RALGAPA2: variants seen among roughly 807,000 people sequenced by gnomAD.
RALGAPA2 encodes the protein Ral GTPase activating protein catalytic subunit alpha 2, also known as ral GTPase-activating protein subunit alpha-2.
In RALGAPA2, 139 loss-of-function variants were observed where a neutral mutation model predicts 230.4. The ratio of observed to expected loss-of-function variants is 0.60; its 90% CI spans 0.53 to 0.69. The LOEUF (loss-of-function observed/expected upper bound fraction) is 0.69. Ranked by LOEUF, RALGAPA2 falls within the 30% of genes least tolerant of loss-of-function variation. The pLI, the probability that RALGAPA2 is intolerant of heterozygous loss-of-function variation, is 0.00. For missense variants in RALGAPA2, 2,163 were observed against 2,276.0 expected, an observed-to-expected ratio of 0.95 and a Z score of 1.01; for synonymous variants, 847 against 837.8, an observed-to-expected ratio of 1.01 and a Z score of -0.19.
chr20:20,709,489 T>TA (rs955068893), intron 1 of RALGAPA2, among the ~76,000 whole-genome samples: 8 of 151,962 alleles, frequency 5.3e-5, no homozygotes, highest in African/African-American at 1.7e-4. Flanking sequence ...AAGATCCTGT[T>TA]AAAAAAAAGA....
intron 33 of RALGAPA2, among the ~76,000 whole-genome samples, chr20:20,508,220 T>G (rs530066080): frequency 9.9e-5 from 15 of 152,284 alleles, no homozygotes; most frequent in Admixed American, 5.9e-4. Context: ...CCTGCTAGGA[T>G]GCAGAAGCTG....
chr20:20,707,269 A>G (rs2069644288), intron 1 of RALGAPA2, among the ~76,000 whole-genome samples: 1 of 152,234 alleles, frequency 6.6e-6, no homozygotes, highest in South Asian at 2.1e-4. Flanking sequence ...ACACTTAGAA[A>G]AGCACTGTGA....
rs2060200195 is a variant in RALGAPA2 at position 20,417,978 on chromosome 20, GGAA to G, written c.5496-5833_5496-5831del. ...CAAACTCTTTATGACCTTGGGGTAT[GGAA>G]AATCTCTTAAGAAACCAAAACATGA... On this transcript the variant is annotated intron_variant, in intron 37 of 39. Coordinates refer to ENST00000202677, the MANE Select transcript of RALGAPA2 (RefSeq NM_020343.4). Among the ~76,000 whole-genome samples, 13 of 152,304 alleles carry G rather than the reference GGAA, an allele frequency of 8.5e-5. No homozygotes were observed. In the South Asian group the frequency reaches 2.7e-3, roughly 32 times the overall value.
intron 1 of RALGAPA2, among the ~76,000 whole-genome samples, chr20:20,707,059 T>G (rs2069637130): frequency 6.6e-6 from 1 of 152,176 alleles, no homozygotes; most frequent in South Asian, 2.1e-4. Flanking sequence ...AAACTCAACA[T>G]GTAGAACACC....
At chr20:20,406,681 G>T (rs1003981605) in intron 38 of RALGAPA2, among the ~76,000 whole-genome samples, 2 of 152,192 alleles carry the variant, frequency 1.3e-5, no homozygotes, top group African/African-American at 4.8e-5. Flanking sequence ...GGAGGCTGAG[G>T]TGGGCAGATC....
At position 20,588,041 on chromosome 20, in the gene RALGAPA2, T is replaced by C. The variant is rs117992079; in HGVS notation, c.2439+1227A>G. On this transcript the variant is annotated intron_variant, in intron 18 of 39. Coordinates refer to ENST00000202677, the MANE Select transcript of RALGAPA2 (RefSeq NM_020343.4). ...TACACAATGCTGGCAAAAATATGAG[T>C]GATGCAACCACTTTAGAGAACAGGG... 2.4e-3 allele frequency among the ~76,000 whole-genome samples: 372 copies of C among 152,206 alleles called. 14 individuals are homozygous for C. The East Asian group carries it at 0.07, about 28-fold the overall frequency.
chr20:20,610,067 C>T (rs1050974433), intron 14 of RALGAPA2, among the ~76,000 whole-genome samples: 3 of 152,114 alleles, frequency 2.0e-5, no homozygotes, highest in African/African-American at 7.2e-5. Context: ...ATAATTTCTC[C>T]TTTTGTCACT....
chr20:20,472,924 G>A lies in RALGAPA2; in HGVS notation c.5400C>T (p.Ala1800=). ...VPFFGPLFDG[A]IVSGKLLPSL... ...TTGGCAGCAGCTTCCCACTCACTAT[G>A]GCTCCATCAAACAGAGGCCCAAAAA... The change falls in exon 37 of 40, where the codon GCC becomes GCT. Residue 1800 remains alanine, a synonymous_variant. Coordinates refer to ENST00000202677, the MANE Select transcript of RALGAPA2 (RefSeq NM_020343.4). 1.2e-6 allele frequency: 2 copies of A among 1,610,828 alleles called. No individual in the cohort carries two copies. The highest frequency in any genetic ancestry group is 1.7e-6 in the Non-Finnish European group (2 of 1,179,030).
At position 20,583,165 on chromosome 20, in the gene RALGAPA2, G is replaced by A. The variant is rs1410011993; in HGVS notation, c.2592C>T (p.Gly864=). Residue 864 remains glycine (G), a synonymous_variant, in exon 20 of 40, where the codon GGC becomes GGT. Transcript: ENST00000202677. ...GCTNEAELSM[G]PWQTCEEDPE... Reference sequence around the variant, plus strand: ...GGTCTTCCTCACAGGTCTGCCATGGGCCCATGGACAGCTCTGCCTCATTGG... The same window carrying A: ...GGTCTTCCTCACAGGTCTGCCATGGACCCATGGACAGCTCTGCCTCATTGG... 2.5e-6 allele frequency: 4 copies of A among 1,613,658 alleles called. No individual in the cohort carries two copies. The Admixed American group carries it at 5.0e-5, about 20-fold the overall frequency.
At chr20:20,512,224 T>TACACACACACACACACACAC (rs1257439741) in intron 32 of RALGAPA2, among the ~76,000 whole-genome samples, 3 of 137,786 alleles carry the variant, frequency 2.2e-5, no homozygotes, top group East Asian at 2.1e-4. Context: ...CAACCCCCCC[T>TACACACACACACACACACAC]ACACACACAC....
intron 39 of RALGAPA2, 41 bp from the exon 40 acceptor site, chr20:20,393,294 G>A (rs1243965129): frequency 1.6e-5 from 20 of 1,260,674 alleles, no homozygotes; most frequent in Non-Finnish European, 2.1e-5. Context: ...TGGAGGCAAC[G>A]GCGGCTCTAC....
At chr20:20,457,317 T>C (rs1235905889) in intron 37 of RALGAPA2, among the ~76,000 whole-genome samples, 2 of 152,212 alleles carry the variant, frequency 1.3e-5, no homozygotes, top group Non-Finnish European at 1.5e-5. Flanking sequence ...TCGTATTATC[T>C]TTACAATTCA....
At position 20,520,903 on chromosome 20, in the gene RALGAPA2, G is replaced by T. The variant is rs368790279; in HGVS notation, c.4084+14C>A. ...TTCCTTCCCACAAGATTTCATACCT[G>T]AAAGAATACTCACCCTCTTCAACAG... On this transcript the variant is annotated intron_variant, in intron 31 of 39. Coordinates refer to ENST00000202677, the MANE Select transcript of RALGAPA2 (RefSeq NM_020343.4). The T allele has an allele frequency of 1.9e-6, 3 of 1,559,428 alleles. No individual in the cohort carries two copies. Among genetic ancestry groups the T allele is most frequent in the African/African-American group, 2.7e-5 (2 of 73,730 alleles).
intron 3 of RALGAPA2, among the ~76,000 whole-genome samples, chr20:20,661,529 ATT>A (rs1352937019): frequency 1.3e-5 from 2 of 152,222 alleles, no homozygotes; most frequent in Non-Finnish European, 2.9e-5. Flanking sequence ...AAAGATAGTT[ATT>A]GGAATGAAAA....
chr20:20,490,379 A>G (rs1032756345), intron 36 of RALGAPA2, among the ~76,000 whole-genome samples: 1 of 152,250 alleles, frequency 6.6e-6, no homozygotes, highest in Admixed American at 6.5e-5. Flanking sequence ...ATAATAAATT[A>G]TCCAAACAGA....
intron 2 of RALGAPA2, among the ~76,000 whole-genome samples, chr20:20,679,705 C>T (rs2068456677): frequency 6.6e-6 from 1 of 152,174 alleles, no homozygotes; most frequent in Admixed American, 6.5e-5. Context: ...CTCTCTTCCA[C>T]CTGAAATCCT....
chr20:20,458,574 A>ATTTATTT (rs1248746784), intron 37 of RALGAPA2, among the ~76,000 whole-genome samples: 1 of 137,028 alleles, frequency 7.3e-6, no homozygotes, highest in African/African-American at 2.7e-5. Context: ...TATATATAAT[A>ATTTATTT]TATATACCAA....
chr20:20,414,528 C>T (rs1260945083), intron 37 of RALGAPA2, among the ~76,000 whole-genome samples: 6 of 152,118 alleles, frequency 3.9e-5, no homozygotes, highest in African/African-American at 7.2e-5. Context: ...TGACCCCAGA[C>T]GGCAGCCCAC....
intron 36 of RALGAPA2, among the ~76,000 whole-genome samples, chr20:20,484,704 T>C (rs1441933230): frequency 6.6e-6 from 1 of 152,192 alleles, no homozygotes. Context: ...TAGATATTTT[T>C]TGATTATAAG....
Sources: gnomAD v4.1 joint callset for allele counts (sites outside exome capture counted in the v4.1 genomes callset) on GRCh38, gnomAD v4.1.1 for gene constraint, MANE v1.5 for transcripts, NCBI Gene and HGNC (gene_info 2026-07-23, HGNC 2026-07-21) for gene names.